Variants in PDE7B observed in about 807,000 individuals in gnomAD.
PDE7B encodes phosphodiesterase 7B.
A neutral mutation model predicts 56.2 loss-of-function variants in PDE7B; 29 were observed. The observed-to-expected ratio is 0.52, with a 90% CI of 0.38 to 0.70. PDE7B has a LOEUF of 0.70. PDE7B is among the 30% of genes least tolerant of loss of function. PDE7B has a pLI of 0.00. For synonymous variants in PDE7B, 197 were observed against 196.9 expected (o/e 1.00, Z 0.00); for missense variants, 490 against 565.0 (o/e 0.87, Z 1.35).
intron 3 of PDE7B, among the ~76,000 whole-genome samples, chr6:136,119,559 T>C (rs1238385725): frequency 6.6e-6 from 1 of 152,234 alleles, no homozygotes; most frequent in Admixed American, 6.5e-5. Flanking sequence ...TCTCAAAAGC[T>C]ATGTAAGCTA....
At chr6:136,189,095 A>T (rs1262086325) in intron 12 of PDE7B, among the ~76,000 whole-genome samples, 1 of 152,072 alleles carries the variant, frequency 6.6e-6, no homozygotes, top group Non-Finnish European at 1.5e-5. Context: ...CTCTGACTGA[A>T]ATGTTCCCCT....
chr6:135,874,246 T>G (rs1022564068), intron 1 of PDE7B, among the ~76,000 whole-genome samples: 1 of 152,166 alleles, frequency 6.6e-6, no homozygotes, highest in Non-Finnish European at 1.5e-5. Flanking sequence ...CTCTCTGTTA[T>G]CTCTCTGTCT....
chr6:135,942,116 G>T (rs1774515313), intron 1 of PDE7B, among the ~76,000 whole-genome samples: 1 of 148,162 alleles, frequency 6.7e-6, no homozygotes, highest in Non-Finnish European at 1.5e-5. Context: ...ATTGTCAATT[G>T]GATATAATTT....
intron 1 of PDE7B, among the ~76,000 whole-genome samples, chr6:135,861,042 T>A (rs1228286570): frequency 1.3e-5 from 2 of 151,974 alleles, no homozygotes; most frequent in Non-Finnish European, 2.9e-5. Context: ...ACTAGATAGG[T>A]TGTTGCCTAT....
intron 2 of PDE7B, among the ~76,000 whole-genome samples, chr6:136,106,326 T>TA (rs1330205624): frequency 6.6e-6 from 1 of 152,228 alleles, no homozygotes; most frequent in Non-Finnish European, 1.5e-5. Flanking sequence ...CAACTACTTT[T>TA]ATGTGAGGAT....
At chr6:136,173,131 T>G (rs1441527051) in intron 8 of PDE7B, among the ~76,000 whole-genome samples, 1 of 152,202 alleles carries the variant, frequency 6.6e-6, no homozygotes, top group African/African-American at 2.4e-5. Flanking sequence ...AATGACTTTC[T>G]TCACAGAATT....
intron 11 of PDE7B, 104 bp downstream of exon 11, chr6:136,181,427 C>T: frequency 1.3e-6 from 1 of 750,916 alleles, no homozygotes; most frequent in Non-Finnish European, 2.3e-6. Flanking sequence ...TTTGTTCTCT[C>T]ATCAACTCTT....
At chr6:136,099,585 T>G (rs1777527388) in intron 2 of PDE7B, among the ~76,000 whole-genome samples, 1 of 152,256 alleles carries the variant, frequency 6.6e-6, no homozygotes, top group South Asian at 2.1e-4. Context: ...TTTTGAGAAG[T>G]GTCTGTTCAT....
intron 2 of PDE7B, among the ~76,000 whole-genome samples, chr6:135,955,495 A>G (rs550432621): frequency 6.6e-6 from 1 of 152,308 alleles, no homozygotes; most frequent in Admixed American, 6.5e-5. Flanking sequence ...CCTGGAAAAT[A>G]GAGTAAGAGG....
At chr6:136,054,471 T>G (rs2128211686) in intron 2 of PDE7B, among the ~76,000 whole-genome samples, 1 of 152,350 alleles carries the variant, frequency 6.6e-6, no homozygotes, top group East Asian at 1.9e-4. Context: ...TGTAGTATAG[T>G]TTGAAGTCAG....
rs538234655 is a variant in PDE7B, at chr6:136,158,183, G to A, written c.711+2425G>A. Among the ~76,000 whole-genome samples the A allele has an allele frequency of 7.2e-5, 11 of 152,228 alleles. No homozygotes were observed. The South Asian group carries it at 1.7e-3, about 23-fold the overall frequency. ...TAGCCTTTTAGCCTCTCAAGGGCCC[G>A]TTTGCTGAGACACAAATGGGCTTTC... On this transcript the variant is annotated intron_variant, in intron 8 of 12. Coordinates refer to ENST00000308191, the MANE Select transcript of PDE7B (RefSeq NM_018945.4).
rs1583936896 is a variant in PDE7B at position 136,192,087 on chromosome 6, G to T, written c.*247G>T. 1.3e-5 allele frequency: 7 copies of T among 520,472 alleles called. No homozygotes were observed. The highest frequency in any genetic ancestry group is 1.9e-5 in the African/African-American group (1 of 52,228). The allele number at this position is 520,472 out of a possible 1,614,324, so 32.2% of individuals were successfully genotyped here. A position where few individuals can be genotyped will look rare whatever the true frequency, so the allele number is the denominator to read the frequency against. Reference sequence around the variant, plus strand: ...TCAGTAACGTGGGAGCTGATCCCACGGGCAGGCTCTCCCTGCTCCAGGAGA... The same window carrying T: ...TCAGTAACGTGGGAGCTGATCCCACTGGCAGGCTCTCCCTGCTCCAGGAGA... On this transcript the variant is annotated 3_prime_UTR_variant, in exon 13 of 13. Transcript: ENST00000308191.
rs548634255 is a variant in PDE7B at position 136,066,700 on chromosome 6, T to TA, written c.83-42026dup. ...ACAAAGTCTCATGATAAATACTCTT[T>TA]AAAAAGAAAAAAAGTTGAATATCAC... On this transcript the variant is annotated intron_variant, in intron 2 of 12. Coordinates refer to ENST00000308191, the MANE Select transcript of PDE7B (RefSeq NM_018945.4). Among the ~76,000 whole-genome samples the TA allele has an allele frequency of 2.6e-4, 39 of 152,198 alleles. No individual in the cohort carries two copies. The East Asian group carries it at 4.2e-3, about 17-fold the overall frequency.
chr6:136,144,434 A>C (rs4896199), intron 3 of PDE7B, among the ~76,000 whole-genome samples: 70,620 of 151,982 alleles, frequency 0.46, 17,063 homozygotes, highest in African/African-American at 0.61. Flanking sequence ...TTTTGTAACC[A>C]CACTTCAATT....
intron 2 of PDE7B, among the ~76,000 whole-genome samples, chr6:136,016,760 G>C (rs1775985306): frequency 6.6e-6 from 1 of 151,552 alleles, no homozygotes. Flanking sequence ...AAGGACTTCT[G>C]GGAGAAAAAA....
At chr6:135,934,907 A>T (rs1280582141) in intron 1 of PDE7B, among the ~76,000 whole-genome samples, 1 of 108,038 alleles carries the variant, frequency 9.3e-6, no homozygotes, top group African/African-American at 3.8e-5. Context: ...TTAAATATAT[A>T]TAAATATTTA....
At chr6:136,131,179 C>CT (rs1778111259) in intron 3 of PDE7B, among the ~76,000 whole-genome samples, 1 of 152,162 alleles carries the variant, frequency 6.6e-6, no homozygotes, top group Admixed American at 6.5e-5. Flanking sequence ...TCCTCACCTG[C>CT]TTCCAGTTCA....
intron 1 of PDE7B, among the ~76,000 whole-genome samples, chr6:135,886,365 G>A (rs6570051): frequency 0.24 from 37,096 of 151,706 alleles, 8,502 homozygotes; most frequent in African/African-American, 0.61. Flanking sequence ...TTCCCTTAAG[G>A]AATATTTGCA....
intron 8 of PDE7B, among the ~76,000 whole-genome samples, chr6:136,166,696 C>T (rs1778799239): frequency 6.6e-6 from 1 of 152,114 alleles, no homozygotes; most frequent in Non-Finnish European, 1.5e-5. Context: ...CAATCCCCTC[C>T]CACCAGGCCT....
Sources: allele counts gnomAD v4.1 joint callset (sites outside exome capture counted in the v4.1 genomes callset), GRCh38; gene constraint gnomAD v4.1.1; transcripts MANE v1.5; gene names NCBI Gene and HGNC (gene_info 2026-07-23, HGNC 2026-07-21).